RBM20: variants seen among roughly 807,000 people sequenced by gnomAD.
The protein encoded by RBM20 is RNA-binding protein 20.
RBM20 carries 51 observed loss-of-function variants against 110.1 expected under a neutral mutation model. The observed-to-expected ratio is 0.46, with a 90% CI of 0.37 to 0.59. RBM20 has a LOEUF of 0.59. Among genes scored for constraint, RBM20 ranks in the 20% least tolerant of loss-of-function variants. The probability of loss-of-function intolerance (pLI) is 0.00; values close to 1 mark genes in which losing one functional copy is unlikely to be tolerated. For missense variants in RBM20, 1,512 were observed against 1,574.9 expected (o/e 0.96, Z 0.68); for synonymous variants, 589 against 618.2 (o/e 0.95, Z 0.70).
chr10:110,831,104 G>A lies in RBM20; in HGVS notation c.3495G>A (p.Leu1165=), dbSNP rs1244898348. Residue 1165 remains leucine, a synonymous_variant, in exon 13 of 14, where the codon CTG becomes CTA. Coordinates refer to ENST00000369519, the MANE Select transcript of RBM20 (RefSeq NM_001134363.3). ...CCAGGACTGGCTTTTATTGCAAGCT[G>A]TGTGGGCTGTTCTACACGAGCGAGG... ...VVPRTGFYCK[L]CGLFYTSEET... 14 of 1,551,598 alleles carry A rather than the reference G, an allele frequency of 9.0e-6. No homozygotes were observed. The highest frequency in any genetic ancestry group is 1.1e-5 in the Non-Finnish European group (13 of 1,146,922).
intron 11 of RBM20, among the ~76,000 whole-genome samples, chr10:110,822,790 AT>A (rs1189206698): frequency 6.6e-6 from 1 of 151,708 alleles, no homozygotes; most frequent in Non-Finnish European, 1.5e-5. Flanking sequence ...GAGGCTTGGG[AT>A]TTTTTCCATG....
At chr10:110,729,129 A>C (rs1843594364) in intron 1 of RBM20, among the ~76,000 whole-genome samples, 1 of 152,226 alleles carries the variant, frequency 6.6e-6, no homozygotes, top group African/African-American at 2.4e-5. Context: ...GTGTATAAGA[A>C]ATTCAGAATG....
At chr10:110,809,079 G>A (rs772458759) in intron 7 of RBM20, among the ~76,000 whole-genome samples, 1 of 151,868 alleles carries the variant, frequency 6.6e-6, no homozygotes, top group Non-Finnish European at 1.5e-5. Context: ...AGCCTGGTGT[G>A]GTGGTGAGCC....
chr10:110,821,344 G>T lies in RBM20; in HGVS notation c.2725G>T (p.Val909Leu). 1.3e-6 allele frequency: 2 copies of T among 1,551,740 alleles called. No individual in the cohort carries two copies. The highest frequency in any genetic ancestry group is 4.9e-5 in the East Asian group (2 of 40,924). Residue 909 changes from valine (V) to leucine (L), a missense_variant, in exon 11 of 14, where the codon GTG (valine) becomes TTG (leucine). Transcript: ENST00000369519. Reference sequence around the variant, plus strand: ...GTATCCCACTAACATGGAGGAGCTGGTGACAGTGGACGAGGTTGGGGAAGA... The same window carrying T: ...GTATCCCACTAACATGGAGGAGCTGTTGACAGTGGACGAGGTTGGGGAAGA... ...SWYPTNMEEL[V>L]TVDEVGEEED...
At chr10:110,792,440 A>G (rs941314740) in intron 5 of RBM20, among the ~76,000 whole-genome samples, 9 of 152,154 alleles carry the variant, frequency 5.9e-5, no homozygotes, top group African/African-American at 1.2e-4. Flanking sequence ...GCCCCAAAGC[A>G]CCGTACATTC....
chr10:110,701,014 C>CA (rs201918161), intron 1 of RBM20, among the ~76,000 whole-genome samples: 2,038 of 152,034 alleles, frequency 0.013, 48 homozygotes, highest in African/African-American at 0.047. Context: ...GACTCCGTCT[C>CA]AAAAAAACAA....
chr10:110,832,016 A>C (rs1845062596), intron 13 of RBM20, among the ~76,000 whole-genome samples: 1 of 152,262 alleles, frequency 6.6e-6, no homozygotes, highest in Non-Finnish European at 1.5e-5. Context: ...ATGAGACTCC[A>C]TCAACTGTAA....
At position 110,644,614 on chromosome 10, in the gene RBM20, C is replaced by A; in HGVS notation, c.160C>A (p.Pro54Thr). Residue 54 changes from proline to threonine, a missense_variant, in exon 1 of 14, where the codon CCC (proline) becomes ACC (threonine). Pro to Thr is a conservative substitution (Grantham distance 38). Coordinates refer to ENST00000369519, the MANE Select transcript of RBM20 (RefSeq NM_001134363.3). The surrounding 1 kb of genome is among the most constrained non-coding windows in gnomAD (Gnocchi z 4.3). ...PPPPPQPPPP[P>T]QAGLPQIIQN... ...GCCGCCGCCCCAGCCACCGCCCCCG[C>A]CCCAAGCCGGCCTACCCCAGATCAT... The A allele has an allele frequency of 6.6e-7, 1 of 1,518,418 alleles. No individual in the cohort carries two copies. Among genetic ancestry groups the A allele is most frequent in the Non-Finnish European group, 8.8e-7 (1 of 1,136,782 alleles). The allele number at this position is 1,518,418 out of a possible 1,614,324, so 94.1% of individuals were successfully genotyped here. A position where few individuals can be genotyped will look rare whatever the true frequency, so the allele number is the denominator to read the frequency against.
At chr10:110,732,921 A>G (rs1201318145) in intron 1 of RBM20, among the ~76,000 whole-genome samples, 1 of 152,170 alleles carries the variant, frequency 6.6e-6, no homozygotes, top group Non-Finnish European at 1.5e-5. Context: ...AAGAATGACC[A>G]ATCTCAGTGA....
chr10:110,656,466 A>ATGTG (rs35325396), intron 1 of RBM20, among the ~76,000 whole-genome samples: 79 of 147,938 alleles, frequency 5.3e-4, no homozygotes, highest in Middle Eastern at 7.1e-3. Context: ...GTATGTACTC[A>ATGTG]TGTGTGTGTG....
At chr10:110,699,048 A>G (rs1047874403) in intron 1 of RBM20, among the ~76,000 whole-genome samples, 6 of 152,202 alleles carry the variant, frequency 3.9e-5, no homozygotes, top group Admixed American at 2.0e-4. Flanking sequence ...AAGCTAATGT[A>G]AAATATGCTT....
chr10:110,660,493 C>A (rs780884895), intron 1 of RBM20, among the ~76,000 whole-genome samples: 2 of 152,124 alleles, frequency 1.3e-5, no homozygotes, highest in African/African-American at 2.4e-5. Context: ...GAGCGGTGGG[C>A]GAGCAAGCGA....
chr10:110,763,986 A>G lies in RBM20; in HGVS notation c.192-16815A>G, dbSNP rs190936523. Reference sequence around the variant, plus strand: ...TCAGTTCTGACAACAAACTGTTTCCAGCATTACCCTGGGGGCCAAAATCAT... The same window carrying G: ...TCAGTTCTGACAACAAACTGTTTCCGGCATTACCCTGGGGGCCAAAATCAT... On this transcript the variant is annotated intron_variant, in intron 1 of 13. Coordinates refer to ENST00000369519, the MANE Select transcript of RBM20 (RefSeq NM_001134363.3). 2.0e-5 allele frequency among the ~76,000 whole-genome samples: 3 copies of G among 152,248 alleles called. No individual in the cohort carries two copies. In the East Asian group the frequency reaches 5.8e-4, roughly 29 times the overall value.
chr10:110,685,562 T>C (rs1207899293), intron 1 of RBM20, among the ~76,000 whole-genome samples: 1 of 152,160 alleles, frequency 6.6e-6, no homozygotes, highest in Admixed American at 6.5e-5. Context: ...TAGTCCATAC[T>C]GAGAGGGGAA....
intron 1 of RBM20, among the ~76,000 whole-genome samples, chr10:110,707,279 T>C (rs1862854672): frequency 6.6e-6 from 1 of 152,240 alleles, no homozygotes; most frequent in Admixed American, 6.5e-5. Flanking sequence ...TTGTTGGATA[T>C]AAAATGGAGC....
chr10:110,809,218 T>TA lies in RBM20; in HGVS notation c.1801-1151dup, dbSNP rs60697105. Reference sequence around the variant, plus strand: ...AGTGACAGAGCAAGACCCCGTTTCTTAAAAAAAAAAAAAATTGCATGATTC... The same window carrying TA: ...AGTGACAGAGCAAGACCCCGTTTCTTAAAAAAAAAAAAAAATTGCATGATTC... On this transcript the variant is annotated intron_variant, in intron 7 of 13. Transcript: ENST00000369519. Among the ~76,000 whole-genome samples the TA allele has an allele frequency of 8.1e-3, 490 of 60,698 alleles. 46 individuals are homozygous for TA. The East Asian group carries it at 0.11, about 14-fold the overall frequency. 39.8% of individuals were successfully genotyped at this position (60,698 alleles called of 152,430 possible).
At chr10:110,810,973 C>T (rs1411037405) in intron 8 of RBM20, among the ~76,000 whole-genome samples, 2 of 152,142 alleles carry the variant, frequency 1.3e-5, no homozygotes, top group Non-Finnish European at 2.9e-5. Flanking sequence ...GTCACTTTCT[C>T]GAAACATTGA....
intron 1 of RBM20, among the ~76,000 whole-genome samples, chr10:110,694,541 T>C (rs1177081742): frequency 6.6e-6 from 1 of 152,132 alleles, no homozygotes; most frequent in Non-Finnish European, 1.5e-5. Context: ...GAAGAAAATA[T>C]AGCAAAATGG....
chr10:110,644,161 A>C (rs1417331310), upstream of RBM20, among the ~76,000 whole-genome samples: 1 of 152,050 alleles, frequency 6.6e-6, no homozygotes, highest in Non-Finnish European at 1.5e-5. This position sits in a 1 kb window ranked among gnomAD's most constrained non-coding sequence, Gnocchi z 4.3. Flanking sequence ...GTCGGCGGGC[A>C]GAGTTCCTGG....
Sources: gnomAD v4.1 joint callset for allele counts (sites outside exome capture counted in the v4.1 genomes callset) on GRCh38, gnomAD v4.1.1 for gene constraint, Gnocchi (gnomAD v3.1) non-coding constraint, MANE v1.5 for transcripts, NCBI Gene and HGNC (gene_info 2026-07-23, HGNC 2026-07-21) for gene names.